EPB41L2: variants seen among roughly 807,000 people sequenced by gnomAD.
The protein encoded by EPB41L2 is band 4.1-like protein 2.
A neutral mutation model predicts 113.0 loss-of-function variants in EPB41L2; 43 were observed. The observed-to-expected ratio is 0.38, with a 90% confidence interval of 0.30 to 0.49. The LOEUF is 0.49. EPB41L2 is among the 20% of genes least tolerant of loss of function. The pLI is 0.95. For missense variants in EPB41L2, 1,147 were observed against 1,223.4 expected (o/e 0.94, Z 0.93); for synonymous variants, 442 against 436.7 (o/e 1.01, Z -0.15).
At chr6:131,021,764 T>C (rs1371743857) in intron 1 of EPB41L2, among the ~76,000 whole-genome samples, 2 of 152,208 alleles carry the variant, frequency 1.3e-5, no homozygotes, top group African/African-American at 2.4e-5. Flanking sequence ...ACAAAAACCC[T>C]ATGAAGTAAA....
At chr6:130,879,805 A>T (rs1788686853) in intron 13 of EPB41L2, among the ~76,000 whole-genome samples, 1 of 152,258 alleles carries the variant, frequency 6.6e-6, no homozygotes, top group Non-Finnish European at 1.5e-5. Flanking sequence ...ATTAAGGATG[A>T]GATTGTGTTA....
chr6:130,868,765 C>T (rs1252150640), intron 15 of EPB41L2: 2 of 152,180 alleles, frequency 1.3e-5, no homozygotes, highest in Admixed American at 1.3e-4. Context: ...AAATGAGAGA[C>T]ACTGCACTTA....
At chr6:131,044,977 C>T (rs1003343700) in intron 1 of EPB41L2, among the ~76,000 whole-genome samples, 5 of 152,144 alleles carry the variant, frequency 3.3e-5, no homozygotes, top group Admixed American at 3.3e-4. Context: ...TATACATATA[C>T]ACACATCCAT....
In EPB41L2 at chr6:130,865,646, T is replaced by TG. The variant is rs752682279; in HGVS notation, c.2731-13dup. 1 of 1,613,790 alleles carries TG rather than the reference T, an allele frequency of 6.2e-7. No individual in the cohort carries two copies. Among genetic ancestry groups the TG allele is most frequent in the Non-Finnish European group, 8.5e-7 (1 of 1,179,770 alleles). ...GCCCCGCCATCAATCTTTGGATAGTTGGGGGAAAAATACAAAGTAATGCTT... is the reference window on the plus strand; with the variant it reads ...GCCCCGCCATCAATCTTTGGATAGTTGGGGGGAAAAATACAAAGTAATGCTT... On this transcript the variant is annotated splice_polypyrimidine_tract_variant and intron_variant, in intron 16 of 19. Transcript: ENST00000337057.
intron 1 of EPB41L2, among the ~76,000 whole-genome samples, chr6:131,013,140 G>C (rs760367340): frequency 1.1e-4 from 17 of 152,088 alleles, no homozygotes; most frequent in Non-Finnish European, 1.9e-4. Flanking sequence ...ATTACCAGTA[G>C]TTACACATAT....
intron 3 of EPB41L2, among the ~76,000 whole-genome samples, chr6:130,954,036 CTTTCTTTTTTTTTTTTT>C (rs1816359120): frequency 2.2e-5 from 1 of 45,522 alleles, no homozygotes; most frequent in African/African-American, 5.8e-5. Flanking sequence ...TAGTCCTTTT[CTTTCTTTTTTTTTTTTT>C]TTTTTTTTTT....
intron 1 of EPB41L2, among the ~76,000 whole-genome samples, chr6:131,052,904 ATTTT>A (rs905783311): frequency 4.0e-5 from 6 of 149,400 alleles, no homozygotes; most frequent in Non-Finnish European, 8.9e-5. Flanking sequence ...AAAAATATAA[ATTTT>A]TTTTTTTGAG....
At chr6:130,969,199 G>C (rs1004558316) in intron 1 of EPB41L2, among the ~76,000 whole-genome samples, 2 of 151,344 alleles carry the variant, frequency 1.3e-5, no homozygotes, top group African/African-American at 4.9e-5. Context: ...AATTTGAAGA[G>C]ACAATTCTTC....
intron 19 of EPB41L2, among the ~76,000 whole-genome samples, chr6:130,850,895 G>A (rs1451504882): frequency 1.3e-5 from 2 of 152,136 alleles, no homozygotes; most frequent in African/African-American, 4.8e-5. Context: ...ATAACACCTG[G>A]TAGATTTAGC....
intron 1 of EPB41L2, among the ~76,000 whole-genome samples, chr6:131,017,851 T>C (rs1347571913): frequency 6.6e-6 from 1 of 152,208 alleles, no homozygotes; most frequent in African/African-American, 2.4e-5. Context: ...TTAAAACATC[T>C]CCATTTTAAC....
At chr6:131,058,198 C>A (rs1392919874) in intron 1 of EPB41L2, among the ~76,000 whole-genome samples, 1 of 151,954 alleles carries the variant, frequency 6.6e-6, no homozygotes, top group African/African-American at 2.4e-5. Context: ...CAATTGCAAT[C>A]TTTGAAGAAA....
chr6:130,951,918 A>T (rs1292988026), intron 3 of EPB41L2, among the ~76,000 whole-genome samples: 1 of 152,064 alleles, frequency 6.6e-6, no homozygotes, highest in African/African-American at 2.4e-5. Flanking sequence ...TTCAGTCTTG[A>T]TCAGAAATAA....
At chr6:130,955,032 C>A in intron 3 of EPB41L2, 73 bp downstream of exon 3, 3 of 1,381,912 alleles carry the variant, frequency 2.2e-6, no homozygotes, top group Non-Finnish European at 3.0e-6. Context: ...CTTAATAAAA[C>A]ACAAAAATCT....
intron 1 of EPB41L2, among the ~76,000 whole-genome samples, chr6:130,958,979 G>C (rs1452500322): frequency 2.6e-5 from 4 of 152,194 alleles, no homozygotes; most frequent in Non-Finnish European, 5.9e-5. Flanking sequence ...AGATTGGGTT[G>C]ATCTGATCTC....
intron 3 of EPB41L2, among the ~76,000 whole-genome samples, chr6:130,931,889 C>T (rs1807025576): frequency 6.6e-6 from 1 of 152,098 alleles, no homozygotes. Context: ...CTGGGCTTGA[C>T]CCCCAGCCCT....
intron 1 of EPB41L2, among the ~76,000 whole-genome samples, chr6:130,987,586 C>T (rs1014635103): frequency 2.6e-5 from 4 of 151,696 alleles, no homozygotes; most frequent in East Asian, 1.9e-4. Flanking sequence ...CCAGCTACTC[C>T]GGAGGCTGAG....
At chr6:131,060,900 A>G (rs1798521908) in intron 1 of EPB41L2, among the ~76,000 whole-genome samples, 1 of 152,202 alleles carries the variant, frequency 6.6e-6, no homozygotes, top group South Asian at 2.1e-4. Flanking sequence ...TTGCTACAAA[A>G]TGCTCCCTGG....
chr6:130,984,589 A>G (rs983864631), intron 1 of EPB41L2, among the ~76,000 whole-genome samples: 4 of 152,206 alleles, frequency 2.6e-5, no homozygotes, highest in Non-Finnish European at 5.9e-5. Context: ...TATGTATCAC[A>G]TGACTGTATT....
chr6:131,020,508 T>C (rs1789211102), intron 1 of EPB41L2, among the ~76,000 whole-genome samples: 1 of 152,230 alleles, frequency 6.6e-6, no homozygotes, highest in South Asian at 2.1e-4. Flanking sequence ...ATTCCCTCTA[T>C]CTACTGCTTC....
Sources: allele counts gnomAD v4.1 joint callset (sites outside exome capture counted in the v4.1 genomes callset), GRCh38; gene constraint gnomAD v4.1.1; transcripts MANE v1.5; gene names NCBI Gene and HGNC (gene_info 2026-07-23, HGNC 2026-07-21).